MZB1: variants seen among roughly 807,000 people sequenced by gnomAD.
The protein encoded by MZB1 is marginal zone B and B1 cell specific protein, also known as marginal zone B- and B1-cell-specific protein.
A neutral mutation model predicts 17.2 loss-of-function variants in MZB1; 10 were observed. The ratio of observed to expected loss-of-function variants is 0.58; its 90% confidence interval spans 0.36 to 0.98. MZB1 has a LOEUF of 0.98. Among genes scored for constraint, MZB1 ranks in the 50% least tolerant of loss-of-function variants. The pLI, the probability that MZB1 is intolerant of heterozygous loss-of-function variation, is 0.01. For missense variants in MZB1, 246 were observed against 237.5 expected (o/e 1.04, Z -0.23); for synonymous variants, 99 against 98.7 (o/e 1.00, Z -0.02).
At chr5:139,389,546 G>GGCT in intron 1 of MZB1, 134 bp downstream of exon 1, 1 of 1,075,098 alleles carries the variant, frequency 9.3e-7, no homozygotes, top group Non-Finnish European at 1.4e-6. Flanking sequence ...ATATATGAAA[G>GGCT]GCTGCATCTG....
At chr5:139,388,962 C>A (rs553853937) in intron 1 of MZB1, 5 of 200,710 alleles carry the variant, frequency 2.5e-5, no homozygotes, top group Non-Finnish European at 4.1e-5. Context: ...CCTCCACCTC[C>A]CAGGTTCAAG....
Position 139,387,561 on chromosome 5 carries a change from AAAG to A in MZB1, c.*201_*203del, listed in dbSNP as rs762460817. On this transcript the variant is annotated 3_prime_UTR_variant, in exon 4 of 4. Transcript: ENST00000302125. ...GCCCCACAAGCACCTTTTGCAGAGA[AAAG>A]AAGTGAGGTCACTGGGTTTTATTTG... 1.3e-4 allele frequency: 57 copies of A among 450,888 alleles called. No homozygotes were observed. The highest frequency in any genetic ancestry group is 3.4e-4 in the Admixed American group (8 of 23,504). 27.9% of individuals were successfully genotyped at this position (450,888 alleles called of 1,614,324 possible).
chr5:139,389,153 T>C, intron 1 of MZB1: 1 of 298,062 alleles, frequency 3.4e-6, no homozygotes, highest in Non-Finnish European at 6.6e-6. Flanking sequence ...ATTACAGGCG[T>C]GAGCCACCGC....
Position 139,388,109 on chromosome 5 carries a change from G to A in MZB1, c.325C>T (p.Gln109Ter), listed in dbSNP as rs1758544974. Reference sequence around the variant, plus strand: ...CCTGGGCCTGTGAGACGTTTCACTTGGTCCACTTCTCGAACTCCGTAGCTG... The same window carrying A: ...CCTGGGCCTGTGAGACGTTTCACTTAGTCCACTTCTCGAACTCCGTAGCTG... ...WQDYGVREVD[Q>*]VKRLTGPGLS... Residue 109 changes from glutamine to a stop codon, truncating the protein, a stop_gained, in exon 3 of 4, where the codon CAA becomes TAA. Coordinates refer to ENST00000302125, the MANE Select transcript of MZB1 (RefSeq NM_016459.4). LOFTEE classifies it high-confidence loss of function. 1 of 1,551,302 alleles carries A rather than the reference G, an allele frequency of 6.4e-7. No individual in the cohort carries two copies. The highest frequency in any genetic ancestry group is 1.4e-5 in the African/African-American group (1 of 73,048).
At chr5:139,389,536 A>C in intron 1 of MZB1, 144 bp downstream of exon 1, 1 of 1,005,868 alleles carries the variant, frequency 9.9e-7, no homozygotes, top group Non-Finnish European at 1.5e-6. Context: ...GAGGCATGGA[A>C]TATATGAAAG....
chr5:139,387,986 G>A, intron 3 of MZB1, 35 bp downstream of exon 3: 2 of 1,573,632 alleles, frequency 1.3e-6, no homozygotes, highest in East Asian at 2.3e-5. Flanking sequence ...CAAGGCTCCA[G>A]GAGCTTCATC....
chr5:139,389,356 C>T (rs1164589536), intron 1 of MZB1: 2 of 568,136 alleles, frequency 3.5e-6, no homozygotes, highest in Non-Finnish European at 6.7e-6. Context: ...TGCACTTGCA[C>T]CATGTACACA....
At chr5:139,389,438 TA>T in intron 1 of MZB1, 1 of 694,216 alleles carries the variant, frequency 1.4e-6, no homozygotes, top group Non-Finnish European at 2.6e-6. Context: ...GGGAGAAGTC[TA>T]AGGACAAGTG....
At position 139,387,868 on chromosome 5, in the gene MZB1, T is replaced by G. The variant is rs201236389; in HGVS notation, c.467A>C (p.Tyr156Ser). Reference protein sequence around the residue: ...YLGEFGEDQIYEAHQQGRGAL... With the variant: ...YLGEFGEDQISEAHQQGRGAL... ...CCCTCGGCCTTGTTGGTGGGCTTCA[T>G]AGATCTGGTCTTCTCCAAACTCCCC... Residue 156 changes from tyrosine to serine, a missense_variant, in exon 4 of 4, where the codon TAT becomes TCT. By Grantham distance (144) the Tyr-to-Ser change is moderately radical. Transcript: ENST00000302125. 245 of 1,606,798 alleles carry G rather than the reference T, an allele frequency of 1.5e-4. No homozygotes were observed. Among genetic ancestry groups the G allele is most frequent in the Non-Finnish European group, 2.0e-4 (230 of 1,177,128 alleles).
At position 139,389,907 on chromosome 5, in the gene MZB1, T is replaced by A. The variant is rs1758581916; in HGVS notation, c.-51A>T. 1 of 1,510,346 alleles carries A rather than the reference T, an allele frequency of 6.6e-7. No homozygotes were observed. The highest frequency in any genetic ancestry group is 8.8e-7 in the Non-Finnish European group (1 of 1,132,290). 93.6% of individuals were successfully genotyped at this position (1,510,346 alleles called of 1,614,324 possible). On this transcript the variant is annotated 5_prime_UTR_variant, in exon 1 of 4. Coordinates refer to ENST00000302125, the MANE Select transcript of MZB1 (RefSeq NM_016459.4). ...GTAGTCTGTGGTTGAGGTGCAGATG[T>A]GTGTGTGCTTGTGTGGTGTGGGGAC...
chr5:139,387,805 G>A lies in MZB1; in HGVS notation c.530C>T (p.Ala177Val). 6.4e-7 allele frequency: 1 copy of A among 1,573,404 alleles called. No homozygotes were observed. The highest frequency in any genetic ancestry group is 8.6e-7 in the Non-Finnish European group (1 of 1,165,082). ...EALLCGGPQG[A>V]CSEKVSATRE... ...TGTGGCTGACACCTTCTCTGAGCAG[G>A]CCCCCTGGGGTCCCCCACATAGCAA... The change falls in exon 4 of 4, where the codon GCC becomes GTC. Residue 177 changes from alanine (A) to valine (V), a missense_variant. Physicochemically the swap from Ala to Val is moderately conservative, Grantham distance 64 (BLOSUM62 0). Transcript: ENST00000302125.
chr5:139,388,324 A>C, intron 2 of MZB1, 137 bp downstream of exon 2: 1 of 1,150,204 alleles, frequency 8.7e-7, no homozygotes, highest in African/African-American at 1.6e-5. Context: ...CAGAGCCCAG[A>C]CTTCATCCCA....
At chr5:139,388,978 C>T (rs1025503641) in intron 1 of MZB1, 8 of 200,080 alleles carry the variant, frequency 4.0e-5, no homozygotes, top group Non-Finnish European at 8.3e-5. Context: ...TCAAGTGATT[C>T]TTCTCCCTCA....
rs189193994 is a variant in MZB1, at chr5:139,388,500, G to A, written c.263C>T (p.Thr88Met). The A allele has an allele frequency of 1.5e-4, 241 of 1,605,742 alleles. 1 individual carries two copies. Among genetic ancestry groups the A allele is most frequent in the Admixed American group, 4.3e-4 (25 of 58,778 alleles). Residue 88 changes from threonine (T) to methionine (M), a missense_variant, in exon 2 of 4, where the codon ACG (threonine) becomes ATG (methionine). By Grantham distance (81) the Thr-to-Met change is moderately conservative. Transcript: ENST00000302125. Reference protein sequence around the residue: ...GRRELSELVYTDVLDRSCSRN... With the variant: ...GRRELSELVYMDVLDRSCSRN... Reference sequence around the variant, plus strand: ...GGAGCAGCTCCGGTCCAGGACATCCGTGTAGACCAACTCGCTCAGCTCCCG... The same window carrying A: ...GGAGCAGCTCCGGTCCAGGACATCCATGTAGACCAACTCGCTCAGCTCCCG...
chr5:139,388,483 T>C lies in MZB1; in HGVS notation c.280A>G (p.Ser94Gly). ...CACTCCTGCCAGTTCCGGGAGCAGCTCCGGTCCAGGACATCCGTGTAGACC... is the reference window on the plus strand; with the variant it reads ...CACTCCTGCCAGTTCCGGGAGCAGCCCCGGTCCAGGACATCCGTGTAGACC... ...ELVYTDVLDR[S>G]CSRNWQDYGV... is the part of the protein sequence containing the mutation. The change falls in exon 2 of 4, where the codon AGC becomes GGC. Residue 94 changes from serine to glycine, a missense_variant. Transcript: ENST00000302125. 1 of 1,605,168 alleles carries C rather than the reference T, an allele frequency of 6.2e-7. No homozygotes were observed. Among genetic ancestry groups the C allele is most frequent in the Admixed American group, 1.7e-5 (1 of 58,722 alleles).
At chr5:139,389,273 C>G (rs1758568529) in intron 1 of MZB1, 1 of 378,172 alleles carries the variant, frequency 2.6e-6, no homozygotes, top group African/African-American at 2.1e-5. Context: ...GAGACACTGG[C>G]ACGCAGGCAT....
intron 2 of MZB1, 108 bp downstream of exon 2, chr5:139,388,353 C>A: frequency 7.7e-7 from 1 of 1,298,592 alleles, no homozygotes; most frequent in Non-Finnish European, 1.1e-6. Context: ...CTCCCTTGGA[C>A]CAGAGTCCTA....
chr5:139,388,614 G>A, intron 1 of MZB1, 29 bp from the exon 2 acceptor site: 2 of 1,600,094 alleles, frequency 1.2e-6, no homozygotes. Flanking sequence ...GGGAGGCAGG[G>A]CCTCAGGACT....
chr5:139,388,607 AGGCAGGGCCTCAGGACTGCT>A, intron 1 of MZB1, 22 bp from the exon 2 acceptor site: 1 of 1,601,914 alleles, frequency 6.2e-7, no homozygotes, highest in Non-Finnish European at 8.5e-7. Flanking sequence ...AGGGACTGGG[AGGCAGGGCCTCAGGACTGCT>A]GCTCAGTTAG....
Sources: gnomAD v4.1 joint callset for allele counts on GRCh38, gnomAD v4.1.1 for gene constraint, MANE v1.5 for transcripts, NCBI Gene and HGNC (gene_info 2026-07-23, HGNC 2026-07-21) for gene names.